PDE11A: variants seen among roughly 807,000 people sequenced by gnomAD.
PDE11A encodes phosphodiesterase 11A.
In PDE11A, 100 loss-of-function variants were observed where a neutral mutation model predicts 100.5. The observed-to-expected ratio is 1.00, with a 90% CI of 0.85 to 1.18. The LOEUF (loss-of-function observed/expected upper bound fraction) is 1.18. PDE11A is among the 50% of genes most tolerant of loss of function. The pLI is 0.00. For missense variants in PDE11A, 1,141 were observed against 1,152.6 expected (o/e 0.99, Z 0.15); for synonymous variants, 381 against 420.8 (o/e 0.91, Z 1.16).
chr2:178,003,939 T>C (rs2086174493), intron 2 of PDE11A, among the ~76,000 whole-genome samples: 1 of 152,172 alleles, frequency 6.6e-6, no homozygotes, highest in African/African-American at 2.4e-5. Context: ...AGAATGTGAT[T>C]TTTGAAACAA....
At chr2:177,645,084 T>C (rs183553762) in intron 19 of PDE11A, among the ~76,000 whole-genome samples, 7 of 152,332 alleles carry the variant, frequency 4.6e-5, no homozygotes. Context: ...ATGCACATGA[T>C]AGTTGGAACC....
At position 177,721,644 on chromosome 2, in the gene PDE11A, G is replaced by A. The variant is rs144329008; in HGVS notation, c.2043+6014C>T. Among the ~76,000 whole-genome samples the A allele has an allele frequency of 3.8e-3, 584 of 151,962 alleles. 5 individuals carry two copies. Among genetic ancestry groups the A allele is most frequent in the African/African-American group, 0.013 (559 of 41,466 alleles). On this transcript the variant is annotated intron_variant, in intron 12 of 19. Transcript: ENST00000286063. ...TATGATTTTTTTTGAGGACAAGGAC[G>A]GTATGTTTTGTCCATGTTTAGAAAT...
Position 177,898,201 on chromosome 2 carries a change from A to T in PDE11A, c.1162-3T>A, listed in dbSNP as rs762418630. 7.5e-6 allele frequency: 12 copies of T among 1,602,724 alleles called. No homozygotes were observed. The East Asian group carries it at 2.7e-4, about 36-fold the overall frequency. On this transcript the variant is annotated splice_polypyrimidine_tract_variant and splice_region_variant and intron_variant, in intron 3 of 19. Coordinates refer to ENST00000286063, the MANE Select transcript of PDE11A (RefSeq NM_016953.4). ...TCATTAACCACCTCTAGCAAAGCCTAGAAAAGATGAAATAGATGTATATAA... is the reference window on the plus strand; with the variant it reads ...TCATTAACCACCTCTAGCAAAGCCTTGAAAAGATGAAATAGATGTATATAA...
intron 4 of PDE11A, among the ~76,000 whole-genome samples, chr2:177,897,097 G>A (rs1224360329): frequency 1.3e-5 from 2 of 152,068 alleles, no homozygotes; most frequent in African/African-American, 4.8e-5. Context: ...AAAGGCAAAG[G>A]GAATAATCTT....
intron 12 of PDE11A, among the ~76,000 whole-genome samples, 189 bp downstream of exon 12, chr2:177,727,469 G>A (rs1188516169): frequency 6.6e-6 from 1 of 152,060 alleles, no homozygotes; most frequent in African/African-American, 2.4e-5. Context: ...TGGCTTCAAG[G>A]GGTCAACAAT....
At chr2:177,880,491 T>C (rs1353834501) in intron 4 of PDE11A, among the ~76,000 whole-genome samples, 3 of 152,166 alleles carry the variant, frequency 2.0e-5, no homozygotes, top group African/African-American at 7.2e-5. Flanking sequence ...AGAGTCCACA[T>C]GTGGAATTTT....
In PDE11A at chr2:177,626,926, A is replaced by C. The variant is rs1574074967; in HGVS notation, c.*2481T>G. 8.1e-6 allele frequency: 1 copy of C among 123,490 alleles called. No individual in the cohort carries two copies. Among genetic ancestry groups the C allele is most frequent in the Non-Finnish European group, 1.7e-5 (1 of 59,872 alleles). The allele number at this position is 123,490 out of a possible 1,614,324, so 7.6% of individuals were successfully genotyped here. ...TTTTTTTTTTTTTTTCATTTCCCTTAACCACCTGTCTCGGTCCCTGTCTTT... is the reference window on the plus strand; with the variant it reads ...TTTTTTTTTTTTTTTCATTTCCCTTCACCACCTGTCTCGGTCCCTGTCTTT... On this transcript the variant is annotated 3_prime_UTR_variant, in exon 20 of 20. Coordinates refer to ENST00000286063, the MANE Select transcript of PDE11A (RefSeq NM_016953.4).
chr2:177,927,257 A>G (rs953729519), intron 2 of PDE11A, among the ~76,000 whole-genome samples: 5 of 152,248 alleles, frequency 3.3e-5, no homozygotes, highest in Admixed American at 1.3e-4. Flanking sequence ...TGCATTTGAA[A>G]TATATTCTCT....
chr2:177,700,540 C>T (rs1322918678), intron 14 of PDE11A, among the ~76,000 whole-genome samples: 1 of 152,062 alleles, frequency 6.6e-6, no homozygotes, highest in Non-Finnish European at 1.5e-5. Flanking sequence ...TATAAAATTC[C>T]AACTACTTCT....
At chr2:178,052,997 C>G (rs940122181) in intron 1 of PDE11A, among the ~76,000 whole-genome samples, 8 of 152,280 alleles carry the variant, frequency 5.3e-5, no homozygotes, top group African/African-American at 1.9e-4. Context: ...AGAGGGAATC[C>G]TCCCTAACTC....
At chr2:177,665,253 C>T (rs1407574684) in intron 18 of PDE11A, among the ~76,000 whole-genome samples, 1 of 149,618 alleles carries the variant, frequency 6.7e-6, no homozygotes, top group African/African-American at 2.5e-5. Flanking sequence ...AGGAGGATCA[C>T]TTGAGCCCAA....
At chr2:177,777,540 C>T (rs1046209938) in intron 9 of PDE11A, among the ~76,000 whole-genome samples, 1 of 152,096 alleles carries the variant, frequency 6.6e-6, no homozygotes, top group African/African-American at 2.4e-5. Flanking sequence ...GCCCTACCTT[C>T]CTGGATAAGT....
At position 178,072,709 on chromosome 2, in the gene PDE11A, C is replaced by T. The variant is rs1024387600; in HGVS notation, c.-272G>A. Reference sequence around the variant, plus strand: ...TGCCGCCGCTGCCCCGGCTCCTGTTCCGGAAACCCGAGCTATCGCTGCTCC... The same window carrying T: ...TGCCGCCGCTGCCCCGGCTCCTGTTTCGGAAACCCGAGCTATCGCTGCTCC... On this transcript the variant is annotated 5_prime_UTR_variant, in exon 1 of 20. Transcript: ENST00000286063. 5 of 1,384,906 alleles carry T rather than the reference C, an allele frequency of 3.6e-6. No homozygotes were observed. The African/African-American group carries it at 7.3e-5, about 20-fold the overall frequency. The allele number at this position is 1,384,906 out of a possible 1,614,324, so 85.8% of individuals were successfully genotyped here. A position where few individuals can be genotyped will look rare whatever the true frequency, so the allele number is the denominator to read the frequency against.
At chr2:177,919,831 C>T (rs2085014325) in intron 2 of PDE11A, among the ~76,000 whole-genome samples, 1 of 151,444 alleles carries the variant, frequency 6.6e-6, no homozygotes, top group Non-Finnish European at 1.5e-5. Flanking sequence ...AAATGTTTAA[C>T]AATAGTCAAT....
chr2:177,840,114 A>G (rs779498368), intron 6 of PDE11A, 137 bp downstream of exon 6: 104 of 853,786 alleles, frequency 1.2e-4, no homozygotes, highest in Non-Finnish European at 1.9e-4. Flanking sequence ...TAGAGTCAAC[A>G]GTAGGCAATG....
At chr2:177,700,981 A>G in intron 14 of PDE11A, 140 bp downstream of exon 14, 1 of 712,328 alleles carries the variant, frequency 1.4e-6, no homozygotes, top group Non-Finnish European at 2.6e-6. Flanking sequence ...AGAAAAAGCT[A>G]CTAAGGCCCA....
chr2:177,646,960 G>A lies in PDE11A; in HGVS notation c.2646+16906C>T, dbSNP rs575433464. ...AATGCTGTCCTTGGTTATCCTGTTA[G>A]TTGGATTTTCAGAGCAGACTGGTAG... On this transcript the variant is annotated intron_variant, in intron 19 of 19. Transcript: ENST00000286063. Among the ~76,000 whole-genome samples the A allele has an allele frequency of 2.6e-5, 4 of 152,304 alleles. No individual in the cohort carries two copies. In the South Asian group the frequency reaches 8.3e-4, roughly 32 times the overall value.
At chr2:177,980,728 A>G (rs2085870185) in intron 2 of PDE11A, among the ~76,000 whole-genome samples, 1 of 150,722 alleles carries the variant, frequency 6.6e-6, no homozygotes, top group Non-Finnish European at 1.5e-5. Context: ...AAAAAGCAGA[A>G]ATAATTTGAG....
At chr2:177,699,726 A>G (rs1261549694) in intron 14 of PDE11A, among the ~76,000 whole-genome samples, 1 of 152,214 alleles carries the variant, frequency 6.6e-6, no homozygotes, top group East Asian at 1.9e-4. Context: ...TGGAACAATA[A>G]TAGCACCTGC....
Sources: gnomAD v4.1 joint callset for allele counts (sites outside exome capture counted in the v4.1 genomes callset) on GRCh38, gnomAD v4.1.1 for gene constraint, MANE v1.5 for transcripts, NCBI Gene and HGNC (gene_info 2026-07-23, HGNC 2026-07-21) for gene names.